TBC1D32: variants seen among roughly 807,000 people sequenced by gnomAD.
TBC1D32 encodes protein broad-minded.
In TBC1D32, 151 loss-of-function variants were observed where a neutral mutation model predicts 170.3. That is an observed-to-expected ratio of 0.89 (90% confidence interval 0.78 to 1.01). The LOEUF is 1.01. Among genes scored for constraint, TBC1D32 ranks in the 50% least tolerant of loss-of-function variants. The probability of loss-of-function intolerance (pLI) is 0.00; values close to 1 mark genes in which losing one functional copy is unlikely to be tolerated. For synonymous variants in TBC1D32, 498 were observed against 488.0 expected (o/e 1.02, Z -0.27); for missense variants, 1,464 against 1,457.1 (o/e 1.00, Z -0.08).
chr6:121,214,547 G>A (rs1285777327), intron 21 of TBC1D32, among the ~76,000 whole-genome samples: 1 of 152,166 alleles, frequency 6.6e-6, no homozygotes, highest in Non-Finnish European at 1.5e-5. Flanking sequence ...GCTGCACCTA[G>A]ACAAGGCATA....
intron 2 of TBC1D32, among the ~76,000 whole-genome samples, chr6:121,318,214 G>A (rs988823392): frequency 6.6e-6 from 1 of 152,060 alleles, no homozygotes; most frequent in African/African-American, 2.4e-5. Context: ...CTTTCAAACA[G>A]AGGCTGGGAA....
At chr6:121,308,850 T>C (rs1400711571) in intron 4 of TBC1D32, among the ~76,000 whole-genome samples, 1 of 152,044 alleles carries the variant, frequency 6.6e-6, no homozygotes, top group African/African-American at 2.4e-5. Context: ...CAAGGGAAAG[T>C]AGTAGAGAAT....
intron 29 of TBC1D32, among the ~76,000 whole-genome samples, chr6:121,111,224 C>T (rs868192524): frequency 6.6e-5 from 10 of 152,008 alleles, no homozygotes; most frequent in African/African-American, 1.9e-4. Flanking sequence ...AAAAAAAGTA[C>T]GATTTTATAG....
Position 121,079,964 on chromosome 6 carries a change from G to A in TBC1D32, c.*807C>T, listed in dbSNP as rs1775482968. 6.6e-6 allele frequency: 1 copy of A among 152,038 alleles called. No individual in the cohort carries two copies. The highest frequency in any genetic ancestry group is 1.5e-5 in the Non-Finnish European group (1 of 68,006). The allele number at this position is 152,038 out of a possible 1,614,324, so 9.4% of individuals were successfully genotyped here. On this transcript the variant is annotated 3_prime_UTR_variant, in exon 32 of 32. Coordinates refer to ENST00000398212, the MANE Select transcript of TBC1D32 (RefSeq NM_152730.6). Reference sequence around the variant, plus strand: ...ACTCCTAAAAAACAATTATGTCCAAGGACAACAGTTTTCCTACCACTTGCC... The same window carrying A: ...ACTCCTAAAAAACAATTATGTCCAAAGACAACAGTTTTCCTACCACTTGCC...
intron 22 of TBC1D32, among the ~76,000 whole-genome samples, chr6:121,192,787 T>A (rs1314818426): frequency 1.3e-5 from 2 of 150,412 alleles, no homozygotes; most frequent in Non-Finnish European, 1.5e-5. Flanking sequence ...AGCTTCCCCA[T>A]CCCCAGTAGT....
chr6:121,091,046 A>T lies in TBC1D32; in HGVS notation c.3466-5T>A, dbSNP rs774693730. 1.1e-5 allele frequency: 12 copies of T among 1,044,870 alleles called. No homozygotes were observed. The highest frequency in any genetic ancestry group is 3.2e-5 in the Admixed American group (1 of 31,206). The allele number at this position is 1,044,870 out of a possible 1,614,324, so 64.7% of individuals were successfully genotyped here. ...GGTTATCCATTGCAGGCAAATCTTT[A>T]AAAAAAAAAAGTAGTAAGTTCATTA... On this transcript the variant is annotated splice_polypyrimidine_tract_variant and splice_region_variant and intron_variant, in intron 30 of 31. Coordinates refer to ENST00000398212, the MANE Select transcript of TBC1D32 (RefSeq NM_152730.6).
At chr6:121,313,177 T>C (rs1445699935) in intron 3 of TBC1D32, among the ~76,000 whole-genome samples, 1 of 142,204 alleles carries the variant, frequency 7.0e-6, no homozygotes, top group African/African-American at 2.6e-5. Context: ...TGTAGAGACC[T>C]TGTCTCTATG....
At chr6:121,310,185 TG>T (rs1458763065) in intron 4 of TBC1D32, among the ~76,000 whole-genome samples, 2 of 152,056 alleles carry the variant, frequency 1.3e-5, no homozygotes, top group African/African-American at 4.8e-5. Context: ...TATAACATGA[TG>T]ACATGATGAC....
At chr6:121,113,677 C>T (rs1353795738) in intron 27 of TBC1D32, among the ~76,000 whole-genome samples, 3 of 152,118 alleles carry the variant, frequency 2.0e-5, no homozygotes, top group Non-Finnish European at 4.4e-5. Flanking sequence ...CAGCAACTTG[C>T]AAATGTCCTA....
rs546526489 is a variant in TBC1D32 at position 121,203,188 on chromosome 6, A to G, written c.2570+1887T>C. 5.3e-5 allele frequency among the ~76,000 whole-genome samples: 8 copies of G among 151,558 alleles called. 1 individual carries two copies. Among genetic ancestry groups the G allele is most frequent in the African/African-American group, 9.8e-5 (4 of 40,920 alleles). Reference sequence around the variant, plus strand: ...GCTATGATCTAGATTTATCACCATTAGATATCAATGACCAATAATAGAAAT... The same window carrying G: ...GCTATGATCTAGATTTATCACCATTGGATATCAATGACCAATAATAGAAAT... On this transcript the variant is annotated intron_variant, in intron 22 of 31. Coordinates refer to ENST00000398212, the MANE Select transcript of TBC1D32 (RefSeq NM_152730.6).
chr6:121,143,108 C>T (rs138133468), intron 24 of TBC1D32, among the ~76,000 whole-genome samples: 51 of 152,110 alleles, frequency 3.4e-4, no homozygotes, highest in African/African-American at 9.4e-4. Context: ...AACATTAGTA[C>T]GTATTATACT....
At chr6:121,208,147 A>G (rs1291609496) in intron 21 of TBC1D32, among the ~76,000 whole-genome samples, 1 of 152,110 alleles carries the variant, frequency 6.6e-6, no homozygotes, top group African/African-American at 2.4e-5. Context: ...TAATCCCCAG[A>G]ACCTGTAAAT....
chr6:121,122,778 C>G (rs962146572), intron 26 of TBC1D32, among the ~76,000 whole-genome samples: 1 of 151,966 alleles, frequency 6.6e-6, no homozygotes, highest in Non-Finnish European at 1.5e-5. Context: ...AGTGTCAGTA[C>G]CTAATACAGG....
At chr6:121,241,290 G>A (rs775450341) in intron 19 of TBC1D32, among the ~76,000 whole-genome samples, 175 bp downstream of exon 19, 9 of 152,020 alleles carry the variant, frequency 5.9e-5, no homozygotes, top group Non-Finnish European at 1.3e-4. Flanking sequence ...GGAATTTCAT[G>A]GAAAAAGAAA....
chr6:121,242,394 CAA>C, intron 17 of TBC1D32, 55 bp from the exon 18 acceptor site: 5 of 1,560,708 alleles, frequency 3.2e-6, no homozygotes, highest in Non-Finnish European at 4.4e-6. Flanking sequence ...AAACTGAAAA[CAA>C]AGAGTATGTC....
At chr6:121,284,656 G>C (rs779656270) in intron 12 of TBC1D32, among the ~76,000 whole-genome samples, 4 of 152,014 alleles carry the variant, frequency 2.6e-5, no homozygotes, top group Admixed American at 6.6e-5. Context: ...AAACTTAAAG[G>C]TGAAAGTTGA....
intron 15 of TBC1D32, among the ~76,000 whole-genome samples, chr6:121,270,574 C>G (rs1395774608): frequency 6.6e-6 from 1 of 152,058 alleles, no homozygotes. Flanking sequence ...GAAGCTGAAT[C>G]CCTGAATAGA....
At chr6:121,239,762 G>A (rs1193679566) in intron 19 of TBC1D32, among the ~76,000 whole-genome samples, 1 of 151,880 alleles carries the variant, frequency 6.6e-6, no homozygotes, top group East Asian at 1.9e-4. Context: ...ACAACTAAAC[G>A]AAAATGAATA....
intron 22 of TBC1D32, among the ~76,000 whole-genome samples, chr6:121,200,378 A>G (rs1399287029): frequency 6.6e-6 from 1 of 151,442 alleles, no homozygotes; most frequent in Non-Finnish European, 1.5e-5. Flanking sequence ...TTAATGTTAA[A>G]TGATGATATA....
Sources: gnomAD v4.1 joint callset for allele counts (sites outside exome capture counted in the v4.1 genomes callset) on GRCh38, gnomAD v4.1.1 for gene constraint, MANE v1.5 for transcripts, NCBI Gene and HGNC (gene_info 2026-07-23, HGNC 2026-07-21) for gene names.